The following ABCC1 variants were observed in gnomAD, a reference collection of about 807,000 sequenced individuals.
ABCC1 encodes ATP binding cassette subfamily C member 1 (ABCC1 blood group).
ABCC1 carries 83 observed loss-of-function variants against 172.9 expected under a neutral mutation model. The ratio of observed to expected loss-of-function variants is 0.48; its 90% confidence interval spans 0.40 to 0.58. The LOEUF (loss-of-function observed/expected upper bound fraction) is 0.58. Among genes scored for constraint, ABCC1 ranks in the 20% least tolerant of loss-of-function variants. ABCC1 has a pLI of 0.00. For synonymous variants in ABCC1, 937 were observed against 825.2 expected (o/e 1.14, Z -2.32); for missense variants, 1,817 against 2,002.7 (o/e 0.91, Z 1.77).
At chr16:16,003,253 C>G (rs35711628) in intron 1 of ABCC1, among the ~76,000 whole-genome samples, 53,865 of 89,666 alleles carry the variant, frequency 0.6, 16,253 homozygotes, top group Non-Finnish European at 0.65. Context: ...TGGTGGGTTG[C>G]TGGATGGGTG....
At chr16:15,961,863 A>G (rs2046142006) in intron 1 of ABCC1, among the ~76,000 whole-genome samples, 1 of 151,772 alleles carries the variant, frequency 6.6e-6, no homozygotes, top group Non-Finnish European at 1.5e-5. Context: ...GTGTCTATCA[A>G]GGTCATTCCC....
At chr16:16,097,248 G>C (rs1165629104) in intron 19 of ABCC1, among the ~76,000 whole-genome samples, 1 of 152,188 alleles carries the variant, frequency 6.6e-6, no homozygotes, top group Non-Finnish European at 1.5e-5. Context: ...AAGTAGCTGG[G>C]ATTACGGATG....
chr16:16,028,547 A>G (rs920900718), intron 5 of ABCC1, among the ~76,000 whole-genome samples: 10 of 152,132 alleles, frequency 6.6e-5, no homozygotes, highest in Non-Finnish European at 2.9e-5. Context: ...CAATTCCCTG[A>G]TAACCCACCC....
intron 19 of ABCC1, among the ~76,000 whole-genome samples, chr16:16,092,892 G>A (rs1414614420): frequency 6.6e-6 from 1 of 152,204 alleles, no homozygotes; most frequent in African/African-American, 2.4e-5. Flanking sequence ...GGGAGGCTGA[G>A]GTGGGGGAAT....
chr16:16,060,637 T>G (rs1596444262), intron 12 of ABCC1, among the ~76,000 whole-genome samples: 1 of 152,152 alleles, frequency 6.6e-6, no homozygotes, highest in East Asian at 1.9e-4. Context: ...TTCTCCTGCC[T>G]CAGTCCCCCG....
intron 20 of ABCC1, among the ~76,000 whole-genome samples, chr16:16,104,123 T>A (rs780248534): frequency 6.6e-6 from 1 of 152,146 alleles, no homozygotes; most frequent in African/African-American, 2.4e-5. Flanking sequence ...TGGTGAGTGT[T>A]ACAGCTCACA....
chr16:16,057,178 C>CT (rs1212669296), intron 12 of ABCC1, among the ~76,000 whole-genome samples: 1 of 127,552 alleles, frequency 7.8e-6, no homozygotes, highest in Admixed American at 8.7e-5. Flanking sequence ...CCTGTTACTG[C>CT]TTAAAAAAAA....
rs533418917 is a variant in ABCC1, at chr16:16,028,757, G to C, written c.616-4352G>C. ...CAGTCCCGGGGGATAGGTCGAGCAA[G>C]CAGTAGGACAAACGACTCCCATTTT... On this transcript the variant is annotated intron_variant, in intron 5 of 30. Transcript: ENST00000399410. 2.0e-5 allele frequency among the ~76,000 whole-genome samples: 3 copies of C among 152,322 alleles called. No individual in the cohort carries two copies. In the South Asian group the frequency reaches 6.2e-4, roughly 32 times the overall value.
intron 9 of ABCC1, among the ~76,000 whole-genome samples, chr16:16,046,606 A>G (rs949326580): frequency 2.0e-5 from 3 of 151,968 alleles, no homozygotes; most frequent in African/African-American, 7.3e-5. Flanking sequence ...CAGCCTCCCA[A>G]AGTGCTGGGA....
chr16:16,075,422 C>G (rs1207569581), intron 14 of ABCC1, among the ~76,000 whole-genome samples: 3 of 151,386 alleles, frequency 2.0e-5, no homozygotes, highest in Middle Eastern at 3.4e-3. Flanking sequence ...GCCAAGAGTT[C>G]GAGACCAGGC....
At chr16:15,959,242 C>T (rs887167574) in intron 1 of ABCC1, among the ~76,000 whole-genome samples, 3 of 152,190 alleles carry the variant, frequency 2.0e-5, no homozygotes, top group Non-Finnish European at 4.4e-5. Context: ...AGGGCTGTGT[C>T]TTTTTACCTT....
intron 1 of ABCC1, among the ~76,000 whole-genome samples, chr16:15,987,744 G>A (rs569163031): frequency 6.6e-6 from 1 of 152,328 alleles, no homozygotes; most frequent in South Asian, 2.1e-4. Flanking sequence ...TGGCCTGTGC[G>A]TCCCGCACTG....
intron 4 of ABCC1, among the ~76,000 whole-genome samples, chr16:16,015,233 A>G (rs1008056655): frequency 3.4e-5 from 5 of 148,162 alleles, no homozygotes; most frequent in African/African-American, 5.0e-5. Context: ...TCTACCTCCT[A>G]TGTTCAAGCG....
intron 18 of ABCC1, among the ~76,000 whole-genome samples, 178 bp from the exon 19 acceptor site, chr16:16,090,227 G>A (rs569223186): frequency 1.3e-5 from 2 of 152,148 alleles, no homozygotes; most frequent in African/African-American, 4.8e-5. Context: ...TTACAGGACC[G>A]TGTGCACAGG....
At chr16:15,952,167 C>A (rs1239965778) in intron 1 of ABCC1, among the ~76,000 whole-genome samples, 1 of 152,168 alleles carries the variant, frequency 6.6e-6, no homozygotes, top group Non-Finnish European at 1.5e-5. Flanking sequence ...TGCGAAGGGT[C>A]AATGAGTTAA....
rs142502464 is a variant in ABCC1, at chr16:15,999,149, C to T, written c.49-8667C>T. Reference sequence around the variant, plus strand: ...CTGAGTAGCTGGGACTACAGGTGCCCGCCACCACACCTGGCTAATTTGTTT... The same window carrying T: ...CTGAGTAGCTGGGACTACAGGTGCCTGCCACCACACCTGGCTAATTTGTTT... On this transcript the variant is annotated intron_variant, in intron 1 of 30. Transcript: ENST00000399410. 2.0e-3 allele frequency among the ~76,000 whole-genome samples: 298 copies of T among 151,942 alleles called. 1 individual carries two copies. The highest frequency in any genetic ancestry group is 6.7e-3 in the South Asian group (32 of 4,808).
At chr16:16,045,291 A>G (rs529563090) in intron 8 of ABCC1, among the ~76,000 whole-genome samples, 1 of 149,806 alleles carries the variant, frequency 6.7e-6, no homozygotes, top group East Asian at 2.0e-4. Context: ...CCAGCTACTC[A>G]GGAGGCTGAG....
At chr16:16,081,457 A>G (rs1411246709) in intron 16 of ABCC1, among the ~76,000 whole-genome samples, 1 of 152,120 alleles carries the variant, frequency 6.6e-6, no homozygotes, top group African/African-American at 2.4e-5. Context: ...CCAGATGATT[A>G]TTTATTATTG....
At chr16:16,039,007 C>A (rs2048861053) in intron 7 of ABCC1, among the ~76,000 whole-genome samples, 1 of 152,130 alleles carries the variant, frequency 6.6e-6, no homozygotes, top group African/African-American at 2.4e-5. Flanking sequence ...CTGACTGCTG[C>A]TTTTGTGCTT....
Sources: gnomAD v4.1 joint callset for allele counts (sites outside exome capture counted in the v4.1 genomes callset) on GRCh38, gnomAD v4.1.1 for gene constraint, MANE v1.5 for transcripts, NCBI Gene and HGNC (gene_info 2026-07-23, HGNC 2026-07-21) for gene names.